FOXL2NB: variants seen among roughly 807,000 people sequenced by gnomAD.
FOXL2NB encodes FOXL2 neighbor protein.
In FOXL2NB, 10 loss-of-function variants were observed where a neutral mutation model predicts 7.4. The observed-to-expected ratio is 1.34, with a 90% CI of 0.83 to 2.28. The LOEUF is 2.28. Among genes scored for constraint, FOXL2NB ranks in the 30% most tolerant of loss-of-function variants. The probability of loss-of-function intolerance (pLI) is 0.00; values close to 1 mark genes in which losing one functional copy is unlikely to be tolerated. For missense variants in FOXL2NB, 228 were observed against 233.9 expected (o/e 0.97, Z 0.17); for synonymous variants, 104 against 105.3 (o/e 0.99, Z 0.08).
chr3:138,948,550 C>T (rs114627046), intron 1 of FOXL2NB, among the ~76,000 whole-genome samples: 125 of 152,306 alleles, frequency 8.2e-4, no homozygotes, highest in African/African-American at 2.4e-3. Flanking sequence ...GGGGCAAGGC[C>T]ACCTTATGGA....
Position 138,950,360 on chromosome 3 carries a change from G to A in FOXL2NB, c.316G>A (p.Gly106Ser). Reference sequence around the variant, plus strand: ...GAAGCGTCGCGGCTGCTCTGAGGCAGGCAGCGCTTCGCTAGAACCACTCAG... The same window carrying A: ...GAAGCGTCGCGGCTGCTCTGAGGCAAGCAGCGCTTCGCTAGAACCACTCAG... The part of the protein sequence containing the change: ...LGKRRGCSEA[G>S]SASLEPLSSS... The change falls in exon 3 of 3, where the codon GGC becomes AGC. Residue 106 changes from glycine (G) to serine (S), a missense_variant. Gly to Ser is a moderately conservative substitution (Grantham distance 56). Transcript: ENST00000383165. 1 of 1,612,008 alleles carries A rather than the reference G, an allele frequency of 6.2e-7. No homozygotes were observed. Among genetic ancestry groups the A allele is most frequent in the Non-Finnish European group, 8.5e-7 (1 of 1,179,756 alleles).
Position 138,947,577 on chromosome 3 carries a change from G to A in FOXL2NB, c.100+113G>A. 4 of 1,449,254 alleles carry A rather than the reference G, an allele frequency of 2.8e-6. No homozygotes were observed. Among genetic ancestry groups the A allele is most frequent in the Non-Finnish European group, 3.6e-6 (4 of 1,097,222 alleles). 89.8% of individuals were successfully genotyped at this position (1,449,254 alleles called of 1,614,324 possible). A position where few individuals can be genotyped will look rare whatever the true frequency, so the allele number is the denominator to read the frequency against. ...GAGGGGGCTGGACGGGGTAGGGTGG[G>A]GAGAGCTGCTCTGAGGCTTTGGGAA... On this transcript the variant is annotated intron_variant, in intron 1 of 2. Coordinates refer to ENST00000383165, the MANE Select transcript of FOXL2NB (RefSeq NM_001040061.3). This position sits in a 1 kb window ranked among gnomAD's most constrained non-coding sequence, Gnocchi z 5.2.
Position 138,947,828 on chromosome 3 carries a change from G to A in FOXL2NB, c.100+364G>A. The A allele has an allele frequency of 9.7e-7, 1 of 1,032,376 alleles. No individual in the cohort carries two copies. Among genetic ancestry groups the A allele is most frequent in the Non-Finnish European group, 1.2e-6 (1 of 860,412 alleles). 64.0% of individuals were successfully genotyped at this position (1,032,376 alleles called of 1,614,324 possible). ...GGGTTGGAGTGAAGGTTGGATGTGT[G>A]CTTTAACAGCACCAAGTAGATGCCC... is the stretch of plus-strand genomic sequence containing the variant. On this transcript the variant is annotated intron_variant, in intron 1 of 2. Transcript: ENST00000383165. The surrounding 1 kb of genome is among the most constrained non-coding windows in gnomAD (Gnocchi z 5.2).
Position 138,950,401 on chromosome 3 carries a change from C to T in FOXL2NB, c.357C>T (p.Ala119=). 1 of 1,613,378 alleles carries T rather than the reference C, an allele frequency of 6.2e-7. No individual in the cohort carries two copies. Among genetic ancestry groups the T allele is most frequent in the Non-Finnish European group, 8.5e-7 (1 of 1,179,992 alleles). ...AACCACTCAGCTCGTCCCGCGCCGC[C>T]GCCGGCTGCCTGAACCAGGTTCCGC... The part of the protein sequence containing the change: ...SLEPLSSSRA[A]AGCLNQVPLS... Residue 119 remains alanine, a synonymous_variant, in exon 3 of 3, where the codon GCC becomes GCT. Transcript: ENST00000383165.
In FOXL2NB at chr3:138,951,805, T is replaced by G. The variant is rs183504370; in HGVS notation, c.*1233T>G. ...GTTGCCTTTCTCCACACCCAGACTG[T>G]AAGCGCTGATGGGCAGAGACTCTGC... On this transcript the variant is annotated 3_prime_UTR_variant, in exon 3 of 3. Transcript: ENST00000383165. 1 of 152,326 alleles carries G rather than the reference T, an allele frequency of 6.6e-6. No homozygotes were observed. The highest frequency in any genetic ancestry group is 1.9e-4 in the East Asian group (1 of 5,172). 9.4% of individuals were successfully genotyped at this position (152,326 alleles called of 1,614,324 possible).
Position 138,949,713 on chromosome 3 carries a change from A to T in FOXL2NB, c.220+74A>T, listed in dbSNP as rs1253052992. 4.4e-6 allele frequency: 7 copies of T among 1,600,210 alleles called. No individual in the cohort carries two copies. The highest frequency in any genetic ancestry group is 6.0e-6 in the Non-Finnish European group (7 of 1,169,474). On this transcript the variant is annotated intron_variant, in intron 2 of 2. Coordinates refer to ENST00000383165, the MANE Select transcript of FOXL2NB (RefSeq NM_001040061.3). The surrounding 1 kb of genome is among the most constrained non-coding windows in gnomAD (Gnocchi z 4.5). Reference sequence around the variant, plus strand: ...CCCTCCAGGCTTCTGCGGAAAAGCCAGGGGCTTCGGGCTGGAGATAGAGGA... The same window carrying T: ...CCCTCCAGGCTTCTGCGGAAAAGCCTGGGGCTTCGGGCTGGAGATAGAGGA...
Position 138,947,502 on chromosome 3 carries a change from C to T in FOXL2NB, c.100+38C>T. On this transcript the variant is annotated intron_variant, in intron 1 of 2. Coordinates refer to ENST00000383165, the MANE Select transcript of FOXL2NB (RefSeq NM_001040061.3). This position sits in a 1 kb window ranked among gnomAD's most constrained non-coding sequence, Gnocchi z 5.2. ...GACTCCTTTGCTCTGCCGTTTGCTGCCGTCTTGAGGCTGAACTTCTAGCTC... is the reference window on the plus strand; with the variant it reads ...GACTCCTTTGCTCTGCCGTTTGCTGTCGTCTTGAGGCTGAACTTCTAGCTC... The T allele has an allele frequency of 6.6e-7, 1 of 1,521,384 alleles. No homozygotes were observed. Among genetic ancestry groups the T allele is most frequent in the African/African-American group, 1.4e-5 (1 of 71,860 alleles). The allele number at this position is 1,521,384 out of a possible 1,614,324, so 94.2% of individuals were successfully genotyped here. A position where few individuals can be genotyped will look rare whatever the true frequency, so the allele number is the denominator to read the frequency against.
Position 138,950,283 on chromosome 3 carries a change from A to G in FOXL2NB, c.239A>G (p.Gln80Arg), listed in dbSNP as rs1936100578. ...AQKTGPGILQQRQKPPAPRAS... is the reference protein window; with the variant it reads ...AQKTGPGILQRRQKPPAPRAS... ...TCCCCAGGGCCGGGAATCCTGCAAC[A>G]GCGGCAGAAGCCGCCCGCGCCTCGG... Residue 80 changes from glutamine to arginine, a missense_variant, in exon 3 of 3, where the codon CAG (glutamine) becomes CGG (arginine). By Grantham distance (43) the Gln-to-Arg change is conservative (BLOSUM62 1). Transcript: ENST00000383165. 1.2e-6 allele frequency: 2 copies of G among 1,604,692 alleles called. No homozygotes were observed. The highest frequency in any genetic ancestry group is 8.5e-7 in the Non-Finnish European group (1 of 1,177,600).
In FOXL2NB at chr3:138,949,402, G is replaced by GTT; in HGVS notation, c.101-117_101-116insTT. ...TGTGTATGCATGTGCGTGTGTGTGT[G>GTT]TGTGTGTGTGTGTGTAGGGGTTGGG... On this transcript the variant is annotated intron_variant, in intron 1 of 2. Transcript: ENST00000383165. This position sits in a 1 kb window ranked among gnomAD's most constrained non-coding sequence, Gnocchi z 4.5. The GTT allele has an allele frequency of 9.0e-7, 1 of 1,111,516 alleles. No individual in the cohort carries two copies. 68.9% of individuals were successfully genotyped at this position (1,111,516 alleles called of 1,614,324 possible).
chr3:138,950,345 G>A lies in FOXL2NB; in HGVS notation c.301G>A (p.Gly101Ser), dbSNP rs753114417. The A allele has an allele frequency of 6.2e-6, 10 of 1,610,744 alleles. No individual in the cohort carries two copies. Among genetic ancestry groups the A allele is most frequent in the Admixed American group, 3.4e-5 (2 of 59,162 alleles). ...CCCAGCTCTACTAGGGAAGCGTCGC[G>A]GCTGCTCTGAGGCAGGCAGCGCTTC... Reference protein sequence around the residue: ...GGPALLGKRRGCSEAGSASLE... With the variant: ...GGPALLGKRRSCSEAGSASLE... The change falls in exon 3 of 3, where the codon GGC (glycine) becomes AGC (serine). Residue 101 changes from glycine to serine, a missense_variant. Coordinates refer to ENST00000383165, the MANE Select transcript of FOXL2NB (RefSeq NM_001040061.3).
chr3:138,952,118 G>A lies in FOXL2NB; in HGVS notation c.*1546G>A, dbSNP rs1393543818. On this transcript the variant is annotated 3_prime_UTR_variant, in exon 3 of 3. Coordinates refer to ENST00000383165, the MANE Select transcript of FOXL2NB (RefSeq NM_001040061.3). ...GGACACCTCCCTAGTTCCCAGTCAT[G>A]GTGAGGACCTGTCTGAAACATTCAA... 6.6e-6 allele frequency: 1 copy of A among 152,202 alleles called. No homozygotes were observed. The highest frequency in any genetic ancestry group is 2.4e-5 in the African/African-American group (1 of 41,440). 9.4% of individuals were successfully genotyped at this position (152,202 alleles called of 1,614,324 possible).
Position 138,949,375 on chromosome 3 carries a change from TGTGTGTATGCATGTGC to T in FOXL2NB, c.101-138_101-123del. ...CCCTTTTCAGCCTTTAAAGAGCCTG[TGTGTGTATGCATGTGC>T]GTGTGTGTGTGTGTGTGTGTGTGTG... On this transcript the variant is annotated intron_variant, in intron 1 of 2. Transcript: ENST00000383165. The surrounding 1 kb of genome is among the most constrained non-coding windows in gnomAD (Gnocchi z 4.5). 1.1e-6 allele frequency: 1 copy of T among 891,848 alleles called. No homozygotes were observed. Among genetic ancestry groups the T allele is most frequent in the Non-Finnish European group, 1.7e-6 (1 of 599,794 alleles). 55.2% of individuals were successfully genotyped at this position (891,848 alleles called of 1,614,324 possible). A position where few individuals can be genotyped will look rare whatever the true frequency, so the allele number is the denominator to read the frequency against.
At position 138,947,480 on chromosome 3, in the gene FOXL2NB, T is replaced by A. The variant is rs745816278; in HGVS notation, c.100+16T>A. 47 of 1,530,422 alleles carry A rather than the reference T, an allele frequency of 3.1e-5. No homozygotes were observed. The highest frequency in any genetic ancestry group is 4.0e-5 in the Non-Finnish European group (45 of 1,134,056). The allele number at this position is 1,530,422 out of a possible 1,614,324, so 94.8% of individuals were successfully genotyped here. On this transcript the variant is annotated intron_variant, in intron 1 of 2. Transcript: ENST00000383165. The surrounding 1 kb of genome is among the most constrained non-coding windows in gnomAD (Gnocchi z 5.2). ...CGGCTTTCAGGTGAAAGAAAACGAC[T>A]CCTTTGCTCTGCCGTTTGCTGCCGT...
Position 138,949,855 on chromosome 3 carries a change from T to A in FOXL2NB, c.220+216T>A. On this transcript the variant is annotated intron_variant, in intron 2 of 2. Transcript: ENST00000383165. The surrounding 1 kb of genome is among the most constrained non-coding windows in gnomAD (Gnocchi z 4.5). ...TACTTCTCAACCTTCGGAGGTAGGC[T>A]GGTTGCTGGCGAGGTCGGGATCCTC... 1 of 729,130 alleles carries A rather than the reference T, an allele frequency of 1.4e-6. No homozygotes were observed. The highest frequency in any genetic ancestry group is 2.4e-6 in the Non-Finnish European group (1 of 412,460). 45.2% of individuals were successfully genotyped at this position (729,130 alleles called of 1,614,324 possible). A position where few individuals can be genotyped will look rare whatever the true frequency, so the allele number is the denominator to read the frequency against.
Position 138,950,380 on chromosome 3 carries a change from A to G in FOXL2NB, c.336A>G (p.Pro112=), listed in dbSNP as rs60650442. ...CSEAGSASLE[P]LSSSRAAAGC... is the part of the protein sequence containing the mutation. ...AGGCAGGCAGCGCTTCGCTAGAACC[A>G]CTCAGCTCGTCCCGCGCCGCCGCCG... is the stretch of plus-strand genomic sequence containing the variant. The change falls in exon 3 of 3, where the codon CCA becomes CCG. Residue 112 remains proline (P), a synonymous_variant. Transcript: ENST00000383165. 0.064 allele frequency: 103,695 copies of G among 1,612,194 alleles called. 12,447 individuals are homozygous for G. The highest frequency in any genetic ancestry group is 0.42 in the African/African-American group (31,142 of 74,926).
rs1406098491 is a variant in FOXL2NB, at chr3:138,949,506, C to G, written c.101-14C>G. On this transcript the variant is annotated splice_polypyrimidine_tract_variant and intron_variant, in intron 1 of 2. Transcript: ENST00000383165. This position sits in a 1 kb window ranked among gnomAD's most constrained non-coding sequence, Gnocchi z 4.5. ...CTGAAAATACTGATTTCTGACTGTC[C>G]CGTAGAGGAACAGAATCCCCAGCCC... 1 of 1,613,640 alleles carries G rather than the reference C, an allele frequency of 6.2e-7. No individual in the cohort carries two copies. The highest frequency in any genetic ancestry group is 1.1e-5 in the South Asian group (1 of 91,020).
rs951621140 is a variant in FOXL2NB at position 138,952,457 on chromosome 3, GTGTGTGTGTGTGTGTA to G, written c.*1897_*1912del. ...TTCCTCATGCCAAGATAGGGTGTGT[GTGTGTGTGTGTGTGTA>G]TGTGTGTGTGTATGTGTGCACTATA... On this transcript the variant is annotated 3_prime_UTR_variant, in exon 3 of 3. Transcript: ENST00000383165. 1 of 151,762 alleles carries G rather than the reference GTGTGTGTGTGTGTGTA, an allele frequency of 6.6e-6. No homozygotes were observed. Among genetic ancestry groups the G allele is most frequent in the African/African-American group, 2.4e-5 (1 of 41,140 alleles). The allele number at this position is 151,762 out of a possible 1,614,324, so 9.4% of individuals were successfully genotyped here. A position where few individuals can be genotyped will look rare whatever the true frequency, so the allele number is the denominator to read the frequency against.
At chr3:138,948,765 CTGA>C (rs1169350563) in intron 1 of FOXL2NB, among the ~76,000 whole-genome samples, 1 of 152,194 alleles carries the variant, frequency 6.6e-6, no homozygotes, top group African/African-American at 2.4e-5. Context: ...ACTCAGGCCT[CTGA>C]TCTGCATTCT....
intron 2 of FOXL2NB, 42 bp from the exon 3 acceptor site, chr3:138,950,223 G>A: frequency 6.3e-7 from 1 of 1,582,330 alleles, no homozygotes; most frequent in African/African-American, 1.4e-5. Context: ...CAGCCGGCGC[G>A]AGCAATCTAC....
Sources: allele counts gnomAD v4.1 joint callset (sites outside exome capture counted in the v4.1 genomes callset), GRCh38; gene constraint gnomAD v4.1.1; non-coding constraint Gnocchi (gnomAD v3.1); transcripts MANE v1.5; gene names NCBI Gene and HGNC (gene_info 2026-07-23, HGNC 2026-07-21).